PTPRN2: variants seen among roughly 807,000 people sequenced by gnomAD.
PTPRN2 encodes the protein protein tyrosine phosphatase receptor type N2.
PTPRN2 carries 74 observed loss-of-function variants against 118.8 expected under a neutral mutation model. The observed-to-expected ratio is 0.62, with a 90% CI of 0.52 to 0.76. The LOEUF (loss-of-function observed/expected upper bound fraction) is 0.76. Among genes scored for constraint, PTPRN2 ranks in the 30% least tolerant of loss-of-function variants. The pLI is 0.00. For missense variants in PTPRN2, 1,481 were observed against 1,394.4 expected (o/e 1.06, Z -0.99); for synonymous variants, 641 against 608.0 (o/e 1.05, Z -0.80).
At chr7:158,312,419 TACAC>T (rs10566609) in intron 3 of PTPRN2, among the ~76,000 whole-genome samples, 135,511 of 149,662 alleles carry the variant, frequency 0.91, 61,596 homozygotes, top group Non-Finnish European at 0.96. Context: ...CATGTAGACA[TACAC>T]ACACATGCAC....
At chr7:158,365,850 C>CACAGACA (rs57276163) in intron 2 of PTPRN2, among the ~76,000 whole-genome samples, 2 of 102,500 alleles carry the variant, frequency 2.0e-5, no homozygotes, top group African/African-American at 4.4e-5. Context: ...ACACACACAC[C>CACAGACA]CACACACACA....
chr7:158,090,316 G>A lies in PTPRN2; in HGVS notation c.1644-8939C>T, dbSNP rs545685133. ...GGAGAAACAAAAGCTATTTATTGCCGCTAGGAGTCATCTCCCAATTGGGCT... is the reference window on the plus strand; with the variant it reads ...GGAGAAACAAAAGCTATTTATTGCCACTAGGAGTCATCTCCCAATTGGGCT... On this transcript the variant is annotated intron_variant, in intron 10 of 22. Coordinates refer to ENST00000389418, the MANE Select transcript of PTPRN2 (RefSeq NM_002847.5). Among the ~76,000 whole-genome samples the A allele has an allele frequency of 6.9e-4, 105 of 152,318 alleles. 1 individual carries two copies. The highest frequency in any genetic ancestry group is 6.5e-4 in the Admixed American group (10 of 15,302).
At chr7:158,293,998 T>C (rs1323186203) in intron 3 of PTPRN2, among the ~76,000 whole-genome samples, 1 of 152,222 alleles carries the variant, frequency 6.6e-6, no homozygotes, top group African/African-American at 2.4e-5. Context: ...AAAGAGTGCA[T>C]TCTAAAATAA....
In PTPRN2 at chr7:158,015,356, CCT is replaced by C. The variant is rs2128871833; in HGVS notation, c.1723+65940_1723+65941del. 6.6e-6 allele frequency among the ~76,000 whole-genome samples: 1 copy of C among 152,198 alleles called. No individual in the cohort carries two copies. Among genetic ancestry groups the C allele is most frequent in the Non-Finnish European group, 1.5e-5 (1 of 68,028 alleles). Reference sequence around the variant, plus strand: ...TTTTTAACCTAAAATGAACAAATCCCCTGTCTACCGATTAAAAACTCTGAGGT... The same window carrying C: ...TTTTTAACCTAAAATGAACAAATCCCGTCTACCGATTAAAAACTCTGAGGT... On this transcript the variant is annotated intron_variant, in intron 11 of 22. Coordinates refer to ENST00000389418, the MANE Select transcript of PTPRN2 (RefSeq NM_002847.5). The surrounding 1 kb of genome is among the most constrained non-coding windows in gnomAD (Gnocchi z 4.2).
chr7:157,744,258 C>G (rs1039336510), intron 12 of PTPRN2, among the ~76,000 whole-genome samples: 4 of 152,278 alleles, frequency 2.6e-5, no homozygotes, highest in Admixed American at 1.3e-4. Flanking sequence ...TGGGGGTCAG[C>G]TGGCCTCAAC....
chr7:158,303,017 T>G (rs1402683589), intron 3 of PTPRN2, among the ~76,000 whole-genome samples: 1 of 152,168 alleles, frequency 6.6e-6, no homozygotes, highest in Non-Finnish European at 1.5e-5. Flanking sequence ...AATGTCACAC[T>G]TAGCACTTTT....
At chr7:157,971,285 A>G (rs1802311240) in intron 11 of PTPRN2, among the ~76,000 whole-genome samples, 2 of 152,172 alleles carry the variant, frequency 1.3e-5, no homozygotes, top group Non-Finnish European at 2.9e-5. Flanking sequence ...TTTTTTTCTT[A>G]TCCATCACGA....
chr7:158,337,340 G>A (rs76396929), intron 2 of PTPRN2, among the ~76,000 whole-genome samples: 1 of 106,568 alleles, frequency 9.4e-6, no homozygotes, highest in South Asian at 2.8e-4. Flanking sequence ...GTCACCCTAA[G>A]AGGTGACACC....
intron 12 of PTPRN2, among the ~76,000 whole-genome samples, chr7:157,806,812 T>G (rs1301507240): frequency 2.0e-5 from 3 of 152,166 alleles, no homozygotes; most frequent in Non-Finnish European, 4.4e-5. Context: ...GGCCCGGTGG[T>G]CTGCATGAAC....
rs1211078555 is a variant in PTPRN2, at chr7:158,071,394, GTGCTCGTGGTGGAGT to G, written c.1723+9889_1723+9903del. Among the ~76,000 whole-genome samples, 44 of 70,960 alleles carry G rather than the reference GTGCTCGTGGTGGAGT, an allele frequency of 6.2e-4. 1 individual carries two copies. Among genetic ancestry groups the G allele is most frequent in the African/African-American group, 1.5e-3 (28 of 18,382 alleles). The allele number at this position is 70,960 out of a possible 152,430, so 46.6% of individuals were successfully genotyped here. Reference sequence around the variant, plus strand: ...GGTGGTGGAGGTGCTCGTGGTGGAGGTGCTCGTGGTGGAGTTGCTCCTGGTGGTGGAGGTGCTCGT... The same window carrying G: ...GGTGGTGGAGGTGCTCGTGGTGGAGGTGCTCCTGGTGGTGGAGGTGCTCGT... On this transcript the variant is annotated intron_variant, in intron 11 of 22. Coordinates refer to ENST00000389418, the MANE Select transcript of PTPRN2 (RefSeq NM_002847.5).
intron 2 of PTPRN2, among the ~76,000 whole-genome samples, chr7:158,431,686 G>A (rs1816202109): frequency 6.8e-6 from 1 of 147,586 alleles, no homozygotes. Flanking sequence ...GGCACATACT[G>A]GCCACACACT....
intron 13 of PTPRN2, among the ~76,000 whole-genome samples, chr7:157,658,469 G>C (rs1200177182): frequency 6.6e-6 from 1 of 152,178 alleles, no homozygotes; most frequent in African/African-American, 2.4e-5. Context: ...ATCACTGCAG[G>C]GTCTTCGACC....
intron 11 of PTPRN2, among the ~76,000 whole-genome samples, chr7:158,071,665 TGGTGGTG>T (rs1198393322): frequency 0.011 from 1,425 of 129,700 alleles, 26 homozygotes; most frequent in Non-Finnish European, 0.021. Context: ...GAGGTGCTCG[TGGTGGTG>T]GAGGTGCTCC....
At chr7:157,566,126 C>T (rs573184280) in intron 21 of PTPRN2, among the ~76,000 whole-genome samples, 17 of 152,364 alleles carry the variant, frequency 1.1e-4, no homozygotes, top group Non-Finnish European at 1.5e-4. Flanking sequence ...CTGCTGTCTG[C>T]GGCCGCAGCT....
At chr7:157,996,413 A>C (rs1286819126) in intron 11 of PTPRN2, among the ~76,000 whole-genome samples, 1 of 152,268 alleles carries the variant, frequency 6.6e-6, no homozygotes, top group East Asian at 1.9e-4. Flanking sequence ...TGGACCCCAA[A>C]CATTCATACA....
At chr7:157,988,582 A>G (rs1433064659) in intron 11 of PTPRN2, among the ~76,000 whole-genome samples, 1 of 152,250 alleles carries the variant, frequency 6.6e-6, no homozygotes, top group African/African-American at 2.4e-5. Context: ...ATAAGTAACA[A>G]CAGTGAGTCA....
intron 10 of PTPRN2, among the ~76,000 whole-genome samples, chr7:158,085,323 C>T (rs1585385048): frequency 7.6e-6 from 1 of 131,540 alleles, no homozygotes; most frequent in Non-Finnish European, 1.6e-5. Context: ...GACGCCCATT[C>T]ACACATGCCC....
intron 2 of PTPRN2, among the ~76,000 whole-genome samples, chr7:158,442,536 G>A (rs1184163238): frequency 6.6e-6 from 1 of 152,172 alleles, no homozygotes; most frequent in Non-Finnish European, 1.5e-5. Flanking sequence ...AGGAGTAAGA[G>A]ATTTGGTAAG....
rs1824713646 is a variant in PTPRN2, at chr7:158,525,591, G to A, written c.113-35806C>T. On this transcript the variant is annotated intron_variant, in intron 1 of 22. Transcript: ENST00000389418. This position sits in a 1 kb window ranked among gnomAD's most constrained non-coding sequence, Gnocchi z 4.1. ...CTCCCTTCCTCCTGAGAGGTCCTAC[G>A]GGATGGAGTATTAATAGTGCCGTGT... Among the ~76,000 whole-genome samples, 4 of 152,190 alleles carry A rather than the reference G, an allele frequency of 2.6e-5. No individual in the cohort carries two copies. The highest frequency in any genetic ancestry group is 9.6e-5 in the African/African-American group (4 of 41,462).
Sources: gnomAD v4.1 joint callset for allele counts (sites outside exome capture counted in the v4.1 genomes callset) on GRCh38, gnomAD v4.1.1 for gene constraint, Gnocchi (gnomAD v3.1) non-coding constraint, MANE v1.5 for transcripts, NCBI Gene and HGNC (gene_info 2026-07-23, HGNC 2026-07-21) for gene names.